SCML2: variants seen among roughly 807,000 people sequenced by gnomAD.
SCML2 encodes sex comb on midleg-like protein 2.
Under a neutral mutation model 48.4 loss-of-function variants are expected in SCML2, and 6 were observed. That is an observed-to-expected ratio of 0.12 (90% CI 0.07 to 0.24). The LOEUF (loss-of-function observed/expected upper bound fraction) is 0.24, where lower values mean the gene tolerates loss of function less well. SCML2 is among the 10% of genes least tolerant of loss of function. The probability of loss-of-function intolerance (pLI) is 1.00; values close to 1 mark genes in which losing one functional copy is unlikely to be tolerated. For synonymous variants in SCML2, 181 were observed against 189.5 expected (o/e 0.95, Z 0.37); for missense variants, 377 against 528.2 (o/e 0.71, Z 2.81).
At chrX:18,344,536 G>C (rs1224542254) in intron 1 of SCML2, among the ~76,000 whole-genome samples, 1 of 111,657 alleles carries the variant, frequency 9.0e-6, no homozygotes, top group African/African-American at 3.3e-5. Flanking sequence ...TTGTGGGAGG[G>C]AACCGGTGGG....
intron 6 of SCML2, among the ~76,000 whole-genome samples, chrX:18,305,859 C>T (rs1170881935): frequency 1.8e-5 from 2 of 110,258 alleles, no homozygotes; most frequent in African/African-American, 6.6e-5. Context: ...CAGAAATCAA[C>T]ATTTTAAAAG....
intron 1 of SCML2, among the ~76,000 whole-genome samples, chrX:18,354,377 C>T (rs749097892): frequency 1.8e-5 from 2 of 111,840 alleles, no homozygotes; most frequent in South Asian, 7.4e-4. Context: ...AGGGGAAACG[C>T]GAGATCGGCT....
At chrX:18,352,788 C>T (rs1364392108) in intron 1 of SCML2, among the ~76,000 whole-genome samples, 1 of 111,615 alleles carries the variant, frequency 9.0e-6, no homozygotes, top group East Asian at 2.8e-4. Flanking sequence ...GATTTTTGAA[C>T]GTTATGACAC....
Position 18,261,351 on chromosome X carries a change from CT to C in SCML2, c.949-1061del, listed in dbSNP as rs1051179571. On this transcript the variant is annotated intron_variant, in intron 8 of 14. Transcript: ENST00000251900. ...TAATTACTGGGTTGACCATGTCATTCTTTCACTATTTTAAAAATCTGAAATC... is the reference window on the plus strand; with the variant it reads ...TAATTACTGGGTTGACCATGTCATTCTTCACTATTTTAAAAATCTGAAATC... Among the ~76,000 whole-genome samples, 13 of 109,088 alleles carry C rather than the reference CT, an allele frequency of 1.2e-4. 1 individual carries two copies. Among genetic ancestry groups the C allele is most frequent in the African/African-American group, 4.6e-4 (13 of 28,513 alleles). 94.7% of individuals were successfully genotyped at this position (109,088 alleles called of 115,157 possible).
chrX:18,292,287 C>G (rs1220304236), intron 7 of SCML2, among the ~76,000 whole-genome samples: 1 of 111,433 alleles, frequency 9.0e-6, no homozygotes, highest in East Asian at 2.8e-4. Flanking sequence ...TAAAAACATA[C>G]CCCTTAACCT....
At chrX:18,324,219 A>C (rs1929410526) in intron 4 of SCML2, 126 bp from the exon 5 acceptor site, 1 of 456,899 alleles carries the variant, frequency 2.2e-6, no homozygotes, top group African/African-American at 2.5e-5. Flanking sequence ...GAGTGAGGTC[A>C]GAGCTGTAAG....
chrX:18,319,565 C>G (rs1330369949), intron 6 of SCML2, among the ~76,000 whole-genome samples: 2 of 100,233 alleles, frequency 2.0e-5, no homozygotes, highest in African/African-American at 7.8e-5. Context: ...CCACTGTACT[C>G]CAGCCTGGGT....
intron 1 of SCML2, among the ~76,000 whole-genome samples, chrX:18,354,059 C>T (rs1692624532): frequency 8.9e-6 from 1 of 112,422 alleles, no homozygotes; most frequent in Non-Finnish European, 1.9e-5. Context: ...CCCCAGCCCC[C>T]GCCAGGAGCC....
At chrX:18,333,730 T>C (rs1480009737) in intron 2 of SCML2, among the ~76,000 whole-genome samples, 3 of 112,005 alleles carry the variant, frequency 2.7e-5, no homozygotes, top group Non-Finnish European at 3.8e-5. Context: ...GGCATATTCA[T>C]GGAATAGTGA....
At chrX:18,264,961 T>C (rs760021805) in intron 8 of SCML2, among the ~76,000 whole-genome samples, 264 of 112,053 alleles carry the variant, frequency 2.4e-3, no homozygotes, top group African/African-American at 8.2e-3. Flanking sequence ...TTCTATTTTC[T>C]GGTTTCCCTA....
At chrX:18,311,468 T>C (rs891596726) in intron 6 of SCML2, among the ~76,000 whole-genome samples, 1 of 111,802 alleles carries the variant, frequency 8.9e-6, no homozygotes, top group Non-Finnish European at 1.9e-5. Context: ...GTTGTACAAC[T>C]TTAAATAGAG....
intron 7 of SCML2, among the ~76,000 whole-genome samples, chrX:18,284,115 C>T (rs1446689017): frequency 9.0e-6 from 1 of 111,507 alleles, no homozygotes; most frequent in African/African-American, 3.3e-5. Flanking sequence ...AAGCCATATA[C>T]CTACAACCAT....
At chrX:18,351,151 T>C (rs1294138060) in intron 1 of SCML2, among the ~76,000 whole-genome samples, 1 of 109,438 alleles carries the variant, frequency 9.1e-6, no homozygotes, top group Non-Finnish European at 1.9e-5. Flanking sequence ...ACCCCTGTAA[T>C]CCTAACTACT....
intron 7 of SCML2, among the ~76,000 whole-genome samples, chrX:18,274,933 C>T (rs1927579858): frequency 1.8e-5 from 2 of 111,869 alleles, no homozygotes; most frequent in African/African-American, 6.5e-5. Context: ...GTTTCATCTA[C>T]ATGATAAAAC....
chrX:18,348,381 C>T (rs1383694559), intron 1 of SCML2, among the ~76,000 whole-genome samples: 2 of 112,128 alleles, frequency 1.8e-5, no homozygotes, highest in Admixed American at 9.5e-5. Flanking sequence ...ACAATCCCCA[C>T]TAGACAACAG....
chrX:18,331,543 C>T (rs774689157), intron 2 of SCML2, among the ~76,000 whole-genome samples: 2 of 111,121 alleles, frequency 1.8e-5, no homozygotes, highest in South Asian at 3.7e-4. Context: ...TCTAAAAGGA[C>T]TCATTTTTAA....
chrX:18,266,623 A>C (rs907772057), intron 7 of SCML2, among the ~76,000 whole-genome samples: 2 of 112,514 alleles, frequency 1.8e-5, no homozygotes, highest in African/African-American at 6.5e-5. Context: ...AATTCTTTAC[A>C]GGAAGAACTA....
intron 7 of SCML2, among the ~76,000 whole-genome samples, chrX:18,289,563 T>C (rs1452292681): frequency 8.9e-6 from 1 of 111,818 alleles, no homozygotes; most frequent in Non-Finnish European, 1.9e-5. Flanking sequence ...TTCAGAAGCC[T>C]TCTAGTGGGA....
chrX:18,324,867 A>G, intron 4 of SCML2, 40 bp downstream of exon 4: 1 of 997,920 alleles, frequency 1.0e-6, no homozygotes, highest in Non-Finnish European at 1.4e-6. Context: ...CAACAAGTTA[A>G]TAGTTTACAT....
Sources: gnomAD v4.1 joint callset for allele counts (sites outside exome capture counted in the v4.1 genomes callset) on GRCh38, gnomAD v4.1.1 for gene constraint, MANE v1.5 for transcripts, NCBI Gene and HGNC (gene_info 2026-07-23, HGNC 2026-07-21) for gene names.